COL26A1: variants seen among roughly 807,000 people sequenced by gnomAD.
The protein encoded by COL26A1 is collagen type XXVI alpha 1 chain.
COL26A1 carries 41 observed loss-of-function variants against 59.3 expected under a neutral mutation model. That is an observed-to-expected ratio of 0.69 (90% CI 0.54 to 0.90). The LOEUF (loss-of-function observed/expected upper bound fraction) is 0.90, where lower values mean the gene tolerates loss of function less well. COL26A1 is among the 40% of genes least tolerant of loss of function. The pLI, the probability that COL26A1 is intolerant of heterozygous loss-of-function variation, is 0.00. For synonymous variants in COL26A1, 266 were observed against 256.0 expected (o/e 1.04, Z -0.37); for missense variants, 612 against 602.3 (o/e 1.02, Z -0.17).
chr7:101,488,945 T>C (rs927740162), intron 3 of COL26A1, among the ~76,000 whole-genome samples: 1 of 152,210 alleles, frequency 6.6e-6, no homozygotes, highest in African/African-American at 2.4e-5. Context: ...TGTAAGTTAA[T>C]TGTGTCCGGT....
intron 3 of COL26A1, among the ~76,000 whole-genome samples, chr7:101,485,300 GTCAGGTT>G (rs767879647): frequency 2.8e-4 from 42 of 152,242 alleles, no homozygotes; most frequent in Non-Finnish European, 4.8e-4. Context: ...CCTGGGAGCA[GTCAGGTT>G]CCAGCTCACC....
intron 2 of COL26A1, among the ~76,000 whole-genome samples, chr7:101,423,962 A>G (rs1792584235): frequency 6.6e-6 from 1 of 151,640 alleles, no homozygotes; most frequent in Non-Finnish European, 1.5e-5. Context: ...CCAGTTACAT[A>G]GGAGGCTGAG....
intron 3 of COL26A1, among the ~76,000 whole-genome samples, chr7:101,489,117 T>C (rs1037216952): frequency 1.3e-5 from 2 of 152,230 alleles, no homozygotes; most frequent in African/African-American, 2.4e-5. Context: ...GATTAATGTG[T>C]TAAATAAAAT....
intron 2 of COL26A1, among the ~76,000 whole-genome samples, chr7:101,425,969 GGT>G (rs1376741836): frequency 1.3e-5 from 2 of 151,744 alleles, no homozygotes; most frequent in Non-Finnish European, 1.5e-5. Flanking sequence ...TGGGACCATA[GGT>G]GTGTGCCACC....
chr7:101,387,256 T>C (rs1199550223), intron 1 of COL26A1, among the ~76,000 whole-genome samples: 1 of 151,490 alleles, frequency 6.6e-6, no homozygotes, highest in African/African-American at 2.4e-5. Flanking sequence ...GGAAACCAAA[T>C]GTTCGTGTCA....
At chr7:101,464,473 C>A (rs1325929115) in intron 3 of COL26A1, among the ~76,000 whole-genome samples, 1 of 151,528 alleles carries the variant, frequency 6.6e-6, no homozygotes, top group Admixed American at 6.6e-5. Context: ...GGTGCAATGG[C>A]GCGATCTCAG....
chr7:101,463,132 A>G (rs1161384134), intron 3 of COL26A1, among the ~76,000 whole-genome samples: 1 of 152,202 alleles, frequency 6.6e-6, no homozygotes, highest in Non-Finnish European at 1.5e-5. Context: ...CAATCTAGAA[A>G]GAGAACAGGG....
chr7:101,430,492 T>C (rs1023413206), intron 2 of COL26A1, among the ~76,000 whole-genome samples: 1 of 151,916 alleles, frequency 6.6e-6, no homozygotes. Context: ...GGTTTCACCA[T>C]GTTGGTCAGG....
rs775308010 is a variant in COL26A1, at chr7:101,544,012, A to G, written c.619A>G (p.Thr207Ala). The G allele has an allele frequency of 1.3e-6, 2 of 1,582,798 alleles. No homozygotes were observed. Among genetic ancestry groups the G allele is most frequent in the Non-Finnish European group, 1.7e-6 (2 of 1,165,086 alleles). Residue 207 changes from threonine (T) to alanine (A), a missense_variant, in exon 6 of 13, where the codon ACA (threonine) becomes GCA (alanine). Physicochemically the swap from Thr to Ala is moderately conservative, Grantham distance 58. Coordinates refer to ENST00000313669, the MANE Select transcript of COL26A1 (RefSeq NM_001278563.3). ...PTGPAGPPGQ[T>A]GPPGPAGPPG... ...TCTCTCCCCAGGGCCCCCGGGGCAG[A>G]CAGGACCACCAGGGCCTGCAGGCCC...
rs1796022541 is a variant in COL26A1 at position 101,558,062 on chromosome 7, G to C, written c.*532G>C. The C allele has an allele frequency of 6.6e-6, 1 of 152,334 alleles. No homozygotes were observed. Among genetic ancestry groups the C allele is most frequent in the Admixed American group, 6.5e-5 (1 of 15,286 alleles). The allele number at this position is 152,334 out of a possible 1,614,324, so 9.4% of individuals were successfully genotyped here. On this transcript the variant is annotated 3_prime_UTR_variant, in exon 13 of 13. Coordinates refer to ENST00000313669, the MANE Select transcript of COL26A1 (RefSeq NM_001278563.3). ...CCCTGCCAGCTTCCCCTCTTCGAGA[G>C]AAAACTCAGACAGGGAGGGCGCAGG... is the stretch of plus-strand genomic sequence containing the variant.
chr7:101,388,043 C>T (rs1049506388), intron 1 of COL26A1, among the ~76,000 whole-genome samples: 162 of 151,240 alleles, frequency 1.1e-3, no homozygotes, highest in African/African-American at 3.6e-3. Flanking sequence ...GGAGTACAGG[C>T]GTGAGCCACT....
chr7:101,483,990 A>AGTTGT (rs1794212887), intron 3 of COL26A1, among the ~76,000 whole-genome samples: 1 of 127,926 alleles, frequency 7.8e-6, no homozygotes, highest in East Asian at 2.3e-4. Context: ...AACTTTTTAA[A>AGTTGT]GTGTGTGTGT....
intron 3 of COL26A1, among the ~76,000 whole-genome samples, chr7:101,507,601 T>C (rs1315725801): frequency 6.8e-6 from 1 of 147,296 alleles, no homozygotes; most frequent in Non-Finnish European, 1.5e-5. Flanking sequence ...GTGTTTGTAA[T>C]AGAGATGGGG....
Position 101,362,983 on chromosome 7 carries a change from T to C in COL26A1, c.-50T>C, listed in dbSNP as rs1790930825. 3.3e-6 allele frequency: 5 copies of C among 1,529,314 alleles called. No individual in the cohort carries two copies. Among genetic ancestry groups the C allele is most frequent in the Non-Finnish European group, 4.4e-6 (5 of 1,146,574 alleles). The allele number at this position is 1,529,314 out of a possible 1,614,324, so 94.7% of individuals were successfully genotyped here. ...TTCGGTCCGGGCGCCGGTGCGCTCC[T>C]GCCGGTCCTCGTGCCCGGGACTCCG... is the stretch of plus-strand genomic sequence containing the variant. On this transcript the variant is annotated 5_prime_UTR_variant, in exon 1 of 13. Transcript: ENST00000313669.
At chr7:101,524,697 A>G (rs1225520280) in intron 3 of COL26A1, among the ~76,000 whole-genome samples, 6 of 152,216 alleles carry the variant, frequency 3.9e-5, no homozygotes, top group Non-Finnish European at 7.3e-5. Context: ...ATGCTTTTGT[A>G]CATGGTATCA....
intron 3 of COL26A1, among the ~76,000 whole-genome samples, chr7:101,513,052 A>C (rs995642327): frequency 1.3e-5 from 2 of 151,874 alleles, no homozygotes; most frequent in Non-Finnish European, 2.9e-5. Flanking sequence ...TGTCGCCCAG[A>C]CTAGAGTGCA....
intron 5 of COL26A1, among the ~76,000 whole-genome samples, chr7:101,540,399 G>A (rs1304814994): frequency 6.6e-5 from 10 of 151,588 alleles, no homozygotes; most frequent in African/African-American, 1.7e-4. Flanking sequence ...TTAGCCAGGC[G>A]TGGAGGCAGG....
chr7:101,368,713 T>C (rs1021310613), intron 1 of COL26A1, among the ~76,000 whole-genome samples: 1 of 152,146 alleles, frequency 6.6e-6, no homozygotes, highest in African/African-American at 2.4e-5. Context: ...CTTATGGGGA[T>C]GTGCTTCGTC....
intron 2 of COL26A1, among the ~76,000 whole-genome samples, chr7:101,426,412 G>T (rs934767585): frequency 3.3e-5 from 5 of 152,076 alleles, no homozygotes; most frequent in Admixed American, 2.0e-4. Context: ...GAAGATCCTG[G>T]GATCCTTTGA....
Sources: gnomAD v4.1 joint callset for allele counts (sites outside exome capture counted in the v4.1 genomes callset) on GRCh38, gnomAD v4.1.1 for gene constraint, MANE v1.5 for transcripts, NCBI Gene and HGNC (gene_info 2026-07-23, HGNC 2026-07-21) for gene names.